Variants in ZNF133 observed in about 807,000 individuals in gnomAD.
The protein encoded by ZNF133 is zinc finger protein 133, also known as zinc finger protein 133 (clone pHZ-13).
A neutral mutation model predicts 54.9 loss-of-function variants in ZNF133; 26 were observed. The observed-to-expected ratio is 0.47, with a 90% confidence interval of 0.35 to 0.66. The LOEUF is 0.66. Ranked by LOEUF, ZNF133 falls within the 30% of genes least tolerant of loss-of-function variation. ZNF133 has a pLI of 0.01. For synonymous variants in ZNF133, 298 were observed against 320.3 expected, an observed-to-expected ratio of 0.93 and a Z score of 0.74; for missense variants, 653 against 820.8, an observed-to-expected ratio of 0.80 and a Z score of 2.50.
At chr20:18,311,265 T>C (rs1335130898) in intron 6 of ZNF133, among the ~76,000 whole-genome samples, 1 of 152,154 alleles carries the variant, frequency 6.6e-6, no homozygotes, top group African/African-American at 2.4e-5. Context: ...GGCTACGTGA[T>C]CTATGATTGT....
At chr20:18,309,355 T>C (rs2045360542) in intron 6 of ZNF133, among the ~76,000 whole-genome samples, 1 of 152,204 alleles carries the variant, frequency 6.6e-6, no homozygotes, top group Admixed American at 6.5e-5. Flanking sequence ...GTTGGATATG[T>C]AAGTCCATTG....
chr20:18,307,624 T>A (rs1335798613), intron 6 of ZNF133, among the ~76,000 whole-genome samples: 1 of 152,248 alleles, frequency 6.6e-6, no homozygotes, highest in Non-Finnish European at 1.5e-5. Flanking sequence ...CTTTTGGGAC[T>A]ATAGGCACAT....
At chr20:18,298,764 T>TC (rs1436295422) in intron 3 of ZNF133, among the ~76,000 whole-genome samples, 1 of 152,156 alleles carries the variant, frequency 6.6e-6, no homozygotes, top group African/African-American at 2.4e-5. Context: ...GAGTCTGTTT[T>TC]CCCCCACTGA....
intron 1 of ZNF133, among the ~76,000 whole-genome samples, chr20:18,290,312 G>A (rs932700938): frequency 6.6e-6 from 1 of 152,106 alleles, no homozygotes; most frequent in Non-Finnish European, 1.5e-5. Flanking sequence ...TGTTCAGACT[G>A]CTCATTCCCA....
In ZNF133 at chr20:18,315,577, C is replaced by T. The variant is rs1413927515; in HGVS notation, c.726C>T (p.Tyr242=). ...HQRIHSGEKP[Y]VCGVCEKGFS... ...GGATACACTCAGGGGAGAAGCCCTACGTGTGTGGGGTATGTGAGAAGGGCT... is the reference window on the plus strand; with the variant it reads ...GGATACACTCAGGGGAGAAGCCCTATGTGTGTGGGGTATGTGAGAAGGGCT... The change falls in exon 7 of 7, where the codon TAC becomes TAT. Residue 242 remains tyrosine, a synonymous_variant. Transcript: ENST00000425686. 12 of 1,613,788 alleles carry T rather than the reference C, an allele frequency of 7.4e-6. No individual in the cohort carries two copies. The highest frequency in any genetic ancestry group is 1.7e-5 in the Admixed American group (1 of 59,986).
chr20:18,296,650 G>A (rs2042288206), intron 1 of ZNF133, among the ~76,000 whole-genome samples: 1 of 152,062 alleles, frequency 6.6e-6, no homozygotes, highest in Admixed American at 6.5e-5. Flanking sequence ...GTATCACTTT[G>A]TTATTCATTC....
At chr20:18,301,186 G>A (rs1190472118) in intron 3 of ZNF133, among the ~76,000 whole-genome samples, 4 of 152,158 alleles carry the variant, frequency 2.6e-5, no homozygotes, top group Admixed American at 2.6e-4. Flanking sequence ...AAACCAGTAG[G>A]TAGAGGAATA....
At chr20:18,306,250 G>A (rs372835157) in intron 5 of ZNF133, 48 bp from the exon 6 acceptor site, 24 of 1,555,614 alleles carry the variant, frequency 1.5e-5, no homozygotes, top group Non-Finnish European at 1.8e-5. Context: ...TCTTGAATGG[G>A]CTCTTGAGCC....
intron 3 of ZNF133, among the ~76,000 whole-genome samples, chr20:18,301,471 A>C (rs916283274): frequency 1.3e-5 from 2 of 152,210 alleles, no homozygotes; most frequent in Admixed American, 1.3e-4. Flanking sequence ...AAAGCAACAA[A>C]ACTTAAAGTT....
At chr20:18,314,761 T>A in intron 6 of ZNF133, 1 of 272,332 alleles carries the variant, frequency 3.7e-6, no homozygotes, top group African/African-American at 2.2e-5. Context: ...TGGTTGTGAG[T>A]TAGAAGGTAA....
rs1292311946 is a variant in ZNF133 at position 18,298,372 on chromosome 20, A to G, written c.-270A>G. 5 of 1,218,578 alleles carry G rather than the reference A, an allele frequency of 4.1e-6. No individual in the cohort carries two copies. Among genetic ancestry groups the G allele is most frequent in the Non-Finnish European group, 5.1e-6 (5 of 970,890 alleles). The allele number at this position is 1,218,578 out of a possible 1,614,324, so 75.5% of individuals were successfully genotyped here. A position where few individuals can be genotyped will look rare whatever the true frequency, so the allele number is the denominator to read the frequency against. ...AATCTGTGTCCCCACCTAGACAACG[A>G]TTATACTGGCAGGATCTATCAGGTG... On this transcript the variant is annotated 5_prime_UTR_variant, in exon 3 of 7. Coordinates refer to ENST00000425686, the MANE Select transcript of ZNF133 (RefSeq NM_001352452.2).
chr20:18,316,324 G>A lies in ZNF133; in HGVS notation c.1473G>A (p.Glu491=). ...GACACCAGAGGACGCACTCAGGCGA[G>A]AAGCCCATGGTGTGTGGGGAGTGCG... The part of the protein sequence containing the change: ...LIRHQRTHSG[E]KPMVCGECGR... The change falls in exon 7 of 7, where the codon GAG becomes GAA. Residue 491 remains glutamate, a synonymous_variant. Transcript: ENST00000425686. The A allele has an allele frequency of 6.2e-7, 1 of 1,613,832 alleles. No individual in the cohort carries two copies.
At chr20:18,301,078 A>G (rs2043268559) in intron 3 of ZNF133, among the ~76,000 whole-genome samples, 3 of 152,198 alleles carry the variant, frequency 2.0e-5, no homozygotes, top group South Asian at 2.1e-4. Context: ...TGATATCATA[A>G]GAAGTATCTT....
In ZNF133 at chr20:18,315,947, A is replaced by G. The variant is rs748374499; in HGVS notation, c.1096A>G (p.Arg366Gly). 3 of 1,613,632 alleles carry G rather than the reference A, an allele frequency of 1.9e-6. No homozygotes were observed. The highest frequency in any genetic ancestry group is 4.5e-5 in the East Asian group (2 of 44,808). Residue 366 changes from arginine to glycine, a missense_variant, in exon 7 of 7, where the codon AGG becomes GGG. This residue lies in a region of ZNF133 where 292 missense variants were observed against 431.6 expected (regional missense o/e 0.68). Transcript: ENST00000425686. Reference protein sequence around the residue: ...CSDCGLGFSDRSNLISHQRTH... With the variant: ...CSDCGLGFSDGSNLISHQRTH... ...TGACTGTGGCCTGGGCTTCAGCGAC[A>G]GGTCAAACCTCATCTCCCACCAGAG...
chr20:18,305,171 T>C lies in ZNF133; in HGVS notation c.-14T>C. 1 of 989,040 alleles carries C rather than the reference T, an allele frequency of 1.0e-6. No individual in the cohort carries two copies. Among genetic ancestry groups the C allele is most frequent in the Non-Finnish European group, 1.2e-6 (1 of 832,698 alleles). 61.3% of individuals were successfully genotyped at this position (989,040 alleles called of 1,614,324 possible). ...GAAGTTTAATGAACTGTTTTCTACATTTCACAGGTAAGAAAACTGGGATAC... is the reference window on the plus strand; with the variant it reads ...GAAGTTTAATGAACTGTTTTCTACACTTCACAGGTAAGAAAACTGGGATAC... On this transcript the variant is annotated 5_prime_UTR_variant, in exon 4 of 7. Coordinates refer to ENST00000425686, the MANE Select transcript of ZNF133 (RefSeq NM_001352452.2). This position sits in a 1 kb window ranked among gnomAD's most constrained non-coding sequence, Gnocchi z 4.7.
At chr20:18,289,362 T>A (rs2040376753) in intron 1 of ZNF133, among the ~76,000 whole-genome samples, 1 of 152,092 alleles carries the variant, frequency 6.6e-6, no homozygotes. Context: ...TCCATTTAAG[T>A]TTTTATTGCG....
chr20:18,290,338 T>TG (rs1201959085), intron 1 of ZNF133, among the ~76,000 whole-genome samples: 1 of 152,238 alleles, frequency 6.6e-6, no homozygotes, highest in Non-Finnish European at 1.5e-5. Flanking sequence ...TGTCAGGTCC[T>TG]GTGAAGTTGT....
intron 1 of ZNF133, among the ~76,000 whole-genome samples, chr20:18,292,079 C>T (rs369150625): frequency 2.4e-4 from 37 of 152,288 alleles, no homozygotes; most frequent in African/African-American, 8.2e-4. Context: ...CTCATCCACA[C>T]TACGGAAATC....
At chr20:18,290,048 C>T (rs1600303369) in intron 1 of ZNF133, 1 of 152,256 alleles carries the variant, frequency 6.6e-6, no homozygotes, top group East Asian at 1.9e-4. Flanking sequence ...AGGGGGTACT[C>T]CTGAGCTCCT....
Sources: allele counts gnomAD v4.1 joint callset (sites outside exome capture counted in the v4.1 genomes callset), GRCh38; gene constraint gnomAD v4.1.1; regional missense constraint gnomAD v4.1.1; non-coding constraint Gnocchi (gnomAD v3.1); transcripts MANE v1.5; gene names NCBI Gene and HGNC (gene_info 2026-07-23, HGNC 2026-07-21).